Variants in RCOR1 observed in about 807,000 individuals in gnomAD.
RCOR1 encodes the protein REST corepressor 1, also known as REST corepressor.
Under a neutral mutation model 64.0 loss-of-function variants are expected in RCOR1, and 12 were observed. The ratio of observed to expected loss-of-function variants is 0.19; its 90% CI spans 0.12 to 0.30. The LOEUF is 0.30. Among genes scored for constraint, RCOR1 ranks in the 10% least tolerant of loss-of-function variants. RCOR1 has a pLI of 1.00. For missense variants in RCOR1, 502 were observed against 621.2 expected, an observed-to-expected ratio of 0.81 and a Z score of 2.04; for synonymous variants, 279 against 227.2, an observed-to-expected ratio of 1.23 and a Z score of -2.05.
intron 2 of RCOR1, among the ~76,000 whole-genome samples, chr14:102,604,802 G>A (rs1893471036): frequency 6.6e-6 from 1 of 152,056 alleles, no homozygotes. Context: ...AAACACTTAG[G>A]CTGGGTGCAG....
At chr14:102,605,005 C>G (rs1336339390) in intron 2 of RCOR1, among the ~76,000 whole-genome samples, 1 of 141,976 alleles carries the variant, frequency 7.0e-6, no homozygotes, top group Non-Finnish European at 1.5e-5. Context: ...GGAGGTGGAG[C>G]TACAGTGAGC....
intron 2 of RCOR1, among the ~76,000 whole-genome samples, chr14:102,670,578 A>G (rs941733665): frequency 3.3e-5 from 5 of 152,016 alleles, no homozygotes; most frequent in African/African-American, 1.2e-4. Context: ...TTAAGCAAGA[A>G]GGTAGCATTT....
chr14:102,672,700 A>C (rs780688278), intron 2 of RCOR1, among the ~76,000 whole-genome samples: 4 of 152,196 alleles, frequency 2.6e-5, no homozygotes, highest in Non-Finnish European at 5.9e-5. Flanking sequence ...TCAAAACCAC[A>C]GTGAGAGACT....
At chr14:102,593,385 G>A (rs1047870327) in intron 2 of RCOR1, 60 bp downstream of exon 2, 129 of 1,438,374 alleles carry the variant, frequency 9.0e-5, no homozygotes, top group Non-Finnish European at 1.1e-4. Flanking sequence ...GGTCCCCGGC[G>A]AGCCCGAGGG....
intron 2 of RCOR1, among the ~76,000 whole-genome samples, chr14:102,602,369 G>C (rs1399684094): frequency 1.4e-5 from 2 of 147,372 alleles, no homozygotes; most frequent in Admixed American, 1.4e-4. Flanking sequence ...GCTTATATTA[G>C]CATTTTTTTC....
intron 4 of RCOR1, 97 bp downstream of exon 4, chr14:102,701,427 C>G (rs985854772): frequency 1.1e-6 from 1 of 907,490 alleles, no homozygotes; most frequent in Non-Finnish European, 1.6e-6. Flanking sequence ...AGCAGTGTTT[C>G]TTCATTAGCA....
At chr14:102,648,500 G>C (rs1191071820) in intron 2 of RCOR1, among the ~76,000 whole-genome samples, 1 of 152,156 alleles carries the variant, frequency 6.6e-6, no homozygotes, top group Non-Finnish European at 1.5e-5. Flanking sequence ...TCTTGAAGTG[G>C]AGAATAGTAT....
intron 2 of RCOR1, among the ~76,000 whole-genome samples, chr14:102,621,905 TTG>T (rs1484762865): frequency 6.6e-6 from 1 of 152,144 alleles, no homozygotes; most frequent in Non-Finnish European, 1.5e-5. Context: ...GGTCTTCAGA[TTG>T]TACCAATTTA....
chr14:102,633,085 C>T (rs1012292396), intron 2 of RCOR1, among the ~76,000 whole-genome samples: 27 of 151,922 alleles, frequency 1.8e-4, no homozygotes, highest in Admixed American at 1.1e-3. Context: ...GCTGGGATTA[C>T]AGGCATAAGC....
intron 2 of RCOR1, among the ~76,000 whole-genome samples, chr14:102,646,044 A>G (rs1411390165): frequency 6.6e-6 from 1 of 152,022 alleles, no homozygotes; most frequent in East Asian, 1.9e-4. Context: ...TTTCTGCTCT[A>G]GTCAACAACT....
At chr14:102,699,591 G>A (rs943572540) in intron 3 of RCOR1, among the ~76,000 whole-genome samples, 4 of 152,054 alleles carry the variant, frequency 2.6e-5, no homozygotes, top group African/African-American at 7.2e-5. Flanking sequence ...CTTTTATTAG[G>A]ACTCCTCTGT....
chr14:102,713,576 C>G (rs1566712034), intron 7 of RCOR1, among the ~76,000 whole-genome samples: 2 of 151,746 alleles, frequency 1.3e-5, no homozygotes, highest in Non-Finnish European at 2.9e-5. Flanking sequence ...GCCACCATGC[C>G]CAGCCACCTG....
intron 2 of RCOR1, chr14:102,656,196 G>A: frequency 1.2e-6 from 1 of 829,006 alleles, no homozygotes; most frequent in Non-Finnish European, 1.5e-6. Flanking sequence ...CTGGAGTGCA[G>A]TGGTGTGATC....
chr14:102,606,156 C>T (rs1234210272), intron 2 of RCOR1, among the ~76,000 whole-genome samples: 2 of 152,174 alleles, frequency 1.3e-5, no homozygotes, highest in African/African-American at 4.8e-5. Flanking sequence ...GAACTCCCGA[C>T]CTCAAGTGAT....
In RCOR1 at chr14:102,654,039, G is replaced by A. The variant is rs1189111131; in HGVS notation, c.362-27856G>A. Among the ~76,000 whole-genome samples the A allele has an allele frequency of 2.9e-5, 4 of 136,234 alleles. No homozygotes were observed. The Admixed American group carries it at 3.3e-4, about 11-fold the overall frequency. 89.4% of individuals were successfully genotyped at this position (136,234 alleles called of 152,430 possible). On this transcript the variant is annotated intron_variant, in intron 2 of 11. Transcript: ENST00000262241. ...CTGGCTCTGTCGCCCAGGCCGGAGTGCAGTGGTGCGATCTCCACTCACTGC... is the reference window on the plus strand; with the variant it reads ...CTGGCTCTGTCGCCCAGGCCGGAGTACAGTGGTGCGATCTCCACTCACTGC...
chr14:102,631,697 T>A (rs980453136), intron 2 of RCOR1, among the ~76,000 whole-genome samples: 1 of 152,182 alleles, frequency 6.6e-6, no homozygotes, highest in Non-Finnish European at 1.5e-5. Context: ...AATGTGAAAA[T>A]GTGACTGCAT....
At chr14:102,710,217 G>C (rs772198547) in intron 6 of RCOR1, among the ~76,000 whole-genome samples, 2 of 152,244 alleles carry the variant, frequency 1.3e-5, no homozygotes, top group African/African-American at 4.8e-5. Flanking sequence ...TCCAGAGGCA[G>C]TGCGAGGTGG....
intron 2 of RCOR1, among the ~76,000 whole-genome samples, chr14:102,636,011 C>T (rs1894228026): frequency 6.6e-6 from 1 of 151,330 alleles, no homozygotes; most frequent in Non-Finnish European, 1.5e-5. Flanking sequence ...GTCACCACTG[C>T]AACCTCCGCC....
chr14:102,681,386 T>C (rs188188019), intron 2 of RCOR1, among the ~76,000 whole-genome samples: 2 of 152,334 alleles, frequency 1.3e-5, no homozygotes, highest in African/African-American at 4.8e-5. Context: ...GCTCCACCCC[T>C]GGCACTTTTA....
Sources: gnomAD v4.1 joint callset for allele counts (sites outside exome capture counted in the v4.1 genomes callset) on GRCh38, gnomAD v4.1.1 for gene constraint, MANE v1.5 for transcripts, NCBI Gene and HGNC (gene_info 2026-07-23, HGNC 2026-07-21) for gene names.